The following CRYGN variants were observed in gnomAD, a reference collection of about 807,000 sequenced individuals.
CRYGN encodes the protein crystallin gamma N, also known as gamma-crystallin N.
CRYGN carries 17 observed loss-of-function variants against 19.2 expected under a neutral mutation model. That is an observed-to-expected ratio of 0.89 (90% CI 0.61 to 1.33). The LOEUF is 1.33. Among genes scored for constraint, CRYGN ranks in the 40% most tolerant of loss-of-function variants. The pLI, the probability that CRYGN is intolerant of heterozygous loss-of-function variation, is 0.00. For synonymous variants in CRYGN, 84 were observed against 85.8 expected (o/e 0.98, Z 0.12); for missense variants, 239 against 239.6 (o/e 1.00, Z 0.02).
In CRYGN at chr7:151,431,567, C is replaced by T. The variant is rs1584821581; in HGVS notation, c.417-1387G>A. Among the ~76,000 whole-genome samples the T allele has an allele frequency of 6.6e-6, 1 of 152,208 alleles. No homozygotes were observed. Among genetic ancestry groups the T allele is most frequent in the African/African-American group, 2.4e-5 (1 of 41,524 alleles). ...ATGGCTGCAGCAGACACGCCCCATG[C>T]CCCTTTCTCCCCGAAAGCCCCTCCA... On this transcript the variant is annotated intron_variant, in intron 3 of 3. Transcript: ENST00000337323. This position sits in a 1 kb window ranked among gnomAD's most constrained non-coding sequence, Gnocchi z 4.8.
chr7:151,439,057 T>A (rs1801694892), intron 1 of CRYGN: 1 of 152,318 alleles, frequency 6.6e-6, no homozygotes, highest in East Asian at 1.9e-4. Flanking sequence ...CCTAGAAGGG[T>A]CCTGCCAGAG....
At chr7:151,432,284 A>G (rs1801489532) in intron 3 of CRYGN, 1 of 1,231,274 alleles carries the variant, frequency 8.1e-7, no homozygotes, top group Non-Finnish European at 1.0e-6. Flanking sequence ...TACAGGACCC[A>G]CCTGGAGGCC....
Position 151,440,117 on chromosome 7 carries a change from G to C in CRYGN, c.-200C>G. On this transcript the variant is annotated 5_prime_UTR_variant, in exon 1 of 4. Transcript: ENST00000337323. ...CCGCGAGTGCAGCCCGCCCTGCCCG[G>C]GGTCTCCCTGTGCTCTCCGCGTTTA... 2.2e-6 allele frequency: 3 copies of C among 1,360,862 alleles called. No homozygotes were observed. Among genetic ancestry groups the C allele is most frequent in the Admixed American group, 3.6e-5 (1 of 27,926 alleles). The allele number at this position is 1,360,862 out of a possible 1,614,324, so 84.3% of individuals were successfully genotyped here.
Position 151,436,195 on chromosome 7 carries a change from A to C in CRYGN, c.401T>G (p.Val134Gly). Residue 134 changes from valine to glycine, a missense_variant, in exon 3 of 4, where the codon GTG becomes GGG. Coordinates refer to ENST00000337323, the MANE Select transcript of CRYGN (RefSeq NM_144727.3). The surrounding 1 kb of genome is among the most constrained non-coding windows in gnomAD (Gnocchi z 5.1). Reference protein sequence around the residue: ...WVKNCVNTIKVYGDGAAWSPR... With the variant: ...WVKNCVNTIKGYGDGAAWSPR... Reference sequence around the variant, plus strand: ...CTGTACTCACGCTCCGTCCCCGTACACCTTGATGGTGTTCACACAGTTCTT... The same window carrying C: ...CTGTACTCACGCTCCGTCCCCGTACCCCTTGATGGTGTTCACACAGTTCTT... 6.5e-7 allele frequency: 1 copy of C among 1,537,290 alleles called. No homozygotes were observed. Among genetic ancestry groups the C allele is most frequent in the Non-Finnish European group, 8.8e-7 (1 of 1,138,092 alleles).
At position 151,432,266 on chromosome 7, in the gene CRYGN, G is replaced by A. The variant is rs61744292; in HGVS notation, c.417-2086C>T. 2,688 of 1,232,178 alleles carry A rather than the reference G, an allele frequency of 2.2e-3. 58 individuals are homozygous for A. In the African/African-American group the frequency reaches 0.037, roughly 17 times the overall value. The allele number at this position is 1,232,178 out of a possible 1,614,324, so 76.3% of individuals were successfully genotyped here. On this transcript the variant is annotated intron_variant, in intron 3 of 3. Coordinates refer to ENST00000337323, the MANE Select transcript of CRYGN (RefSeq NM_144727.3). ...ACGTACATGCGGCCGTGGTAGTTGG[G>A]CTCCTCATACAGGACCCACCTGGAG...
In CRYGN at chr7:151,436,545, G is replaced by C. The variant is rs1409982615; in HGVS notation, c.271-220C>G. ...TGAAAATGTTCCAAGCCACTGAGCT[G>C]GTCCAAGCTCCTCTTTCTACAACTA... On this transcript the variant is annotated intron_variant, in intron 2 of 3. Transcript: ENST00000337323. The surrounding 1 kb of genome is among the most constrained non-coding windows in gnomAD (Gnocchi z 5.1). 3.7e-4 allele frequency among the ~76,000 whole-genome samples: 57 copies of C among 152,162 alleles called. 1 individual carries two copies. Among genetic ancestry groups the C allele is most frequent in the Non-Finnish European group, 2.9e-5 (2 of 68,036 alleles).
In CRYGN at chr7:151,430,624, C is replaced by T. The variant is rs1465344748; in HGVS notation, c.417-444G>A. The stretch of plus-strand genomic sequence containing the variant: ...TGTGTTCCCTCGCTGAGCTCCCTGC[C>T]GTACTCCATCACCCCCTAGGCCTGT... On this transcript the variant is annotated intron_variant, in intron 3 of 3. Coordinates refer to ENST00000337323, the MANE Select transcript of CRYGN (RefSeq NM_144727.3). This position sits in a 1 kb window ranked among gnomAD's most constrained non-coding sequence, Gnocchi z 5.2. Among the ~76,000 whole-genome samples, 4 of 152,156 alleles carry T rather than the reference C, an allele frequency of 2.6e-5. No individual in the cohort carries two copies. The highest frequency in any genetic ancestry group is 5.9e-5 in the Non-Finnish European group (4 of 68,036).
chr7:151,438,388 C>T, intron 1 of CRYGN, 144 bp from the exon 2 acceptor site: 1 of 776,462 alleles, frequency 1.3e-6, no homozygotes, highest in Non-Finnish European at 2.0e-6. Context: ...AGTAGGTGCC[C>T]AACACTATTT....
rs554733632 is a variant in CRYGN at position 151,430,704 on chromosome 7, G to A, written c.417-524C>T. Among the ~76,000 whole-genome samples, 272 of 152,282 alleles carry A rather than the reference G, an allele frequency of 1.8e-3. 1 individual carries two copies. Among genetic ancestry groups the A allele is most frequent in the African/African-American group, 6.1e-3 (255 of 41,562 alleles). ...ACCCAGGGCTCATGGGCTTTCCCTC[G>A]GAGTCCTGAGCTGGGCGACCAGCCT... On this transcript the variant is annotated intron_variant, in intron 3 of 3. Transcript: ENST00000337323. This position sits in a 1 kb window ranked among gnomAD's most constrained non-coding sequence, Gnocchi z 5.2.
At chr7:151,434,626 G>A (rs539218895) in intron 3 of CRYGN, among the ~76,000 whole-genome samples, 19 of 152,192 alleles carry the variant, frequency 1.2e-4, no homozygotes, top group Non-Finnish European at 2.6e-4. Flanking sequence ...ATCAAAATCC[G>A]AGGATGCTCA....
rs1801422552 is a variant in CRYGN at position 151,429,751 on chromosome 7, A to C, written c.*297T>G. The C allele has an allele frequency of 4.4e-6, 2 of 456,738 alleles. No homozygotes were observed. Among genetic ancestry groups the C allele is most frequent in the African/African-American group, 3.9e-5 (2 of 50,824 alleles). The allele number at this position is 456,738 out of a possible 1,614,324, so 28.3% of individuals were successfully genotyped here. A position where few individuals can be genotyped will look rare whatever the true frequency, so the allele number is the denominator to read the frequency against. On this transcript the variant is annotated 3_prime_UTR_variant, in exon 4 of 4. Coordinates refer to ENST00000337323, the MANE Select transcript of CRYGN (RefSeq NM_144727.3). ...TTAAGTCAGTGCTCCATAAATATTC[A>C]TCAACATCATCACCATCATCAGCTG... is the stretch of plus-strand genomic sequence containing the variant.
chr7:151,437,735 C>T, intron 2 of CRYGN: 1 of 1,089,840 alleles, frequency 9.2e-7, no homozygotes. Context: ...GAAAATGCAG[C>T]TAGATTTTTG....
chr7:151,440,525 C>CA (rs1162117846), upstream of CRYGN: 4 of 153,646 alleles, frequency 2.6e-5, no homozygotes, highest in African/African-American at 4.8e-5. Context: ...TGCACCCCCC[C>CA]ACACCCCACA....
rs1316214204 is a variant in CRYGN at position 151,438,189 on chromosome 7, T to C, written c.77A>G (p.Asp26Gly). 1 of 1,614,062 alleles carries C rather than the reference T, an allele frequency of 6.2e-7. No individual in the cohort carries two copies. Among genetic ancestry groups the C allele is most frequent in the East Asian group, 2.2e-5 (1 of 44,888 alleles). Reference sequence around the variant, plus strand: ...GCCCCGGTCCTGGAAGTTGTCACAGTCCCCGAAGACCTCCAGCTTCTGCCC... The same window carrying C: ...GCCCCGGTCCTGGAAGTTGTCACAGCCCCCGAAGACCTCCAGCTTCTGCCC... The part of the protein sequence containing the change: ...FTGQKLEVFG[D>G]CDNFQDRGFM... The change falls in exon 2 of 4, where the codon GAC (aspartate) becomes GGC (glycine). Residue 26 changes from aspartate (D) to glycine (G), a missense_variant. Coordinates refer to ENST00000337323, the MANE Select transcript of CRYGN (RefSeq NM_144727.3).
Position 151,440,068 on chromosome 7 carries a change from AC to A in CRYGN, c.-152del. 1 of 1,356,150 alleles carries A rather than the reference AC, an allele frequency of 7.4e-7. No homozygotes were observed. The highest frequency in any genetic ancestry group is 9.5e-7 in the Non-Finnish European group (1 of 1,057,786). 84.0% of individuals were successfully genotyped at this position (1,356,150 alleles called of 1,614,324 possible). ...CCCGAGGGGCCACCAGGCGGTTGGG[AC>A]CCGCCGCGGCCACCCTGTGCCACCG... is the stretch of plus-strand genomic sequence containing the variant. On this transcript the variant is annotated 5_prime_UTR_variant, in exon 1 of 4. Transcript: ENST00000337323.
chr7:151,434,625 C>A (rs57314786), intron 3 of CRYGN, among the ~76,000 whole-genome samples: 6 of 152,152 alleles, frequency 3.9e-5, no homozygotes, highest in Non-Finnish European at 8.8e-5. Flanking sequence ...TATCAAAATC[C>A]GAGGATGCTC....
chr7:151,439,805 C>T (rs1801715916), intron 1 of CRYGN, 92 bp downstream of exon 1: 1 of 1,327,722 alleles, frequency 7.5e-7, no homozygotes. Context: ...GGATTTGTCA[C>T]CATCAACAGT....
chr7:151,438,166 C>T lies in CRYGN; in HGVS notation c.100G>A (p.Gly34Ser), dbSNP rs1801669556. Residue 34 changes from glycine (G) to serine (S), a missense_variant, in exon 2 of 4, where the codon GGC becomes AGC. Physicochemically the swap from Gly to Ser is moderately conservative, Grantham distance 56. Coordinates refer to ENST00000337323, the MANE Select transcript of CRYGN (RefSeq NM_144727.3). ...ATGGAGTTCACTCGGTTCATAAAGCCCCGGTCCTGGAAGTTGTCACAGTCC... is the reference window on the plus strand; with the variant it reads ...ATGGAGTTCACTCGGTTCATAAAGCTCCGGTCCTGGAAGTTGTCACAGTCC... ...FGDCDNFQDR[G>S]FMNRVNSIHV... The T allele has an allele frequency of 4.3e-6, 7 of 1,614,234 alleles. No individual in the cohort carries two copies. Among genetic ancestry groups the T allele is most frequent in the Admixed American group, 1.7e-5 (1 of 60,030 alleles).
Position 151,432,251 on chromosome 7 carries a change from G to A in CRYGN, c.417-2071C>T, listed in dbSNP as rs532842256. 2.7e-4 allele frequency: 330 copies of A among 1,232,130 alleles called. 2 individuals are homozygous for A. The highest frequency in any genetic ancestry group is 2.5e-4 in the East Asian group (8 of 31,702). 76.3% of individuals were successfully genotyped at this position (1,232,130 alleles called of 1,614,324 possible). On this transcript the variant is annotated intron_variant, in intron 3 of 3. Transcript: ENST00000337323. The stretch of plus-strand genomic sequence containing the variant: ...TCGCCACTCTCCACCACGTACATGC[G>A]GCCGTGGTAGTTGGGCTCCTCATAC...
Sources: gnomAD v4.1 joint callset for allele counts (sites outside exome capture counted in the v4.1 genomes callset) on GRCh38, gnomAD v4.1.1 for gene constraint, Gnocchi (gnomAD v3.1) non-coding constraint, MANE v1.5 for transcripts, NCBI Gene and HGNC (gene_info 2026-07-23, HGNC 2026-07-21) for gene names.